Variants in PPM1E observed in about 807,000 individuals in gnomAD.
PPM1E encodes the protein protein phosphatase, Mg2+/Mn2+ dependent 1E, also known as protein phosphatase 1E.
In PPM1E, 20 loss-of-function variants were observed where a neutral mutation model predicts 65.9. The ratio of observed to expected loss-of-function variants is 0.30; its 90% CI spans 0.21 to 0.44. The LOEUF (loss-of-function observed/expected upper bound fraction) is 0.44, where lower values mean the gene tolerates loss of function less well. Among genes scored for constraint, PPM1E ranks in the 20% least tolerant of loss-of-function variants. The pLI, the probability that PPM1E is intolerant of heterozygous loss-of-function variation, is 1.00. For synonymous variants in PPM1E, 352 were observed against 374.9 expected, an observed-to-expected ratio of 0.94 and a Z score of 0.70; for missense variants, 713 against 953.1, an observed-to-expected ratio of 0.75 and a Z score of 3.32.
intron 1 of PPM1E, among the ~76,000 whole-genome samples, chr17:58,887,715 G>T (rs372188262): frequency 6.6e-6 from 1 of 152,178 alleles, no homozygotes; most frequent in Non-Finnish European, 1.5e-5. Flanking sequence ...TGTAAGCCAT[G>T]GTCAGGATTT....
intron 1 of PPM1E, among the ~76,000 whole-genome samples, chr17:58,847,578 T>C (rs1248208589): frequency 6.6e-6 from 1 of 152,214 alleles, no homozygotes; most frequent in Non-Finnish European, 1.5e-5. Flanking sequence ...ATCAGATGGT[T>C]ATAGATGTGT....
chr17:58,969,249 G>A (rs2030445476), intron 3 of PPM1E, among the ~76,000 whole-genome samples: 2 of 152,226 alleles, frequency 1.3e-5, no homozygotes, highest in South Asian at 4.1e-4. Context: ...ATGTACGTGG[G>A]TGGTTTCCAT....
At chr17:58,769,339 A>G (rs2049913498) in intron 1 of PPM1E, among the ~76,000 whole-genome samples, 2 of 152,154 alleles carry the variant, frequency 1.3e-5, no homozygotes, top group South Asian at 4.1e-4. Flanking sequence ...TCCCGCCTAT[A>G]ATTCCAGCAC....
At chr17:58,956,455 A>C (rs79776482) in intron 2 of PPM1E, among the ~76,000 whole-genome samples, 23,186 of 146,148 alleles carry the variant, frequency 0.16, 2,092 homozygotes, top group Non-Finnish European at 0.2. Context: ...CAAAAAACAA[A>C]AAACAAAAAA....
At position 58,761,868 on chromosome 17, in the gene PPM1E, C is replaced by T. The variant is rs375642577; in HGVS notation, c.464+5407C>T. On this transcript the variant is annotated intron_variant, in intron 1 of 6. Coordinates refer to ENST00000308249, the MANE Select transcript of PPM1E (RefSeq NM_014906.5). ...CAGAGGTCTCCAAAGTCAATTGCAC[C>T]TAAAATACTTCATTTCGGCAAAGGA... Among the ~76,000 whole-genome samples, 8 of 152,256 alleles carry T rather than the reference C, an allele frequency of 5.3e-5. No homozygotes were observed. The South Asian group carries it at 1.5e-3, about 28-fold the overall frequency.
chr17:58,777,655 T>C (rs1181132369), intron 1 of PPM1E, among the ~76,000 whole-genome samples: 2 of 152,136 alleles, frequency 1.3e-5, no homozygotes, highest in Non-Finnish European at 2.9e-5. Flanking sequence ...TAAGTATACA[T>C]AGGGCAATTA....
chr17:58,875,996 G>A (rs568939577), intron 1 of PPM1E, among the ~76,000 whole-genome samples: 2 of 152,262 alleles, frequency 1.3e-5, no homozygotes, highest in East Asian at 3.9e-4. Context: ...GATAAAAAGG[G>A]TTTATGTTTT....
intron 1 of PPM1E, among the ~76,000 whole-genome samples, chr17:58,839,437 C>T (rs910251127): frequency 7.9e-5 from 12 of 152,170 alleles, no homozygotes; most frequent in African/African-American, 2.9e-4. Context: ...TATGAAACAA[C>T]CTCACCGAAG....
At chr17:58,903,666 A>G (rs1286076270) in intron 1 of PPM1E, among the ~76,000 whole-genome samples, 1 of 152,190 alleles carries the variant, frequency 6.6e-6, no homozygotes, top group Non-Finnish European at 1.5e-5. Flanking sequence ...TTTTCTGCCT[A>G]ATCCCAGCTT....
chr17:58,893,941 G>C (rs1005797809), intron 1 of PPM1E, among the ~76,000 whole-genome samples: 2 of 151,860 alleles, frequency 1.3e-5, no homozygotes, highest in African/African-American at 4.8e-5. Context: ...GGATGTGGTG[G>C]CAAACACCTG....
chr17:58,931,451 G>A (rs1020487102), intron 1 of PPM1E, among the ~76,000 whole-genome samples: 2 of 152,016 alleles, frequency 1.3e-5, no homozygotes, highest in African/African-American at 4.8e-5. Context: ...AGGAAGGAAA[G>A]GAGGAAGGAA....
intron 1 of PPM1E, among the ~76,000 whole-genome samples, chr17:58,840,869 ATAAG>A (rs2050711227): frequency 6.6e-6 from 1 of 152,226 alleles, no homozygotes; most frequent in Non-Finnish European, 1.5e-5. Context: ...AATTGTAATA[ATAAG>A]TAAGTGTATT....
chr17:58,794,888 CTTTTT>C (rs35841208), intron 1 of PPM1E, among the ~76,000 whole-genome samples: 2 of 131,590 alleles, frequency 1.5e-5, no homozygotes. Flanking sequence ...GTACATGTGT[CTTTTT>C]TTTTTTTTTT....
chr17:58,786,558 G>A (rs1277146767), intron 1 of PPM1E, among the ~76,000 whole-genome samples: 1 of 152,186 alleles, frequency 6.6e-6, no homozygotes, highest in Non-Finnish European at 1.5e-5. Flanking sequence ...CAGGCAGGAC[G>A]GAGTGGGATG....
At chr17:58,816,451 C>T (rs867365708) in intron 1 of PPM1E, among the ~76,000 whole-genome samples, 3 of 151,588 alleles carry the variant, frequency 2.0e-5, no homozygotes, top group African/African-American at 4.8e-5. Context: ...ACATTAGGTA[C>T]ACTCACAATG....
At chr17:58,856,391 ACC>A (rs1174714881) in intron 1 of PPM1E, among the ~76,000 whole-genome samples, 1 of 152,068 alleles carries the variant, frequency 6.6e-6, no homozygotes, top group Non-Finnish European at 1.5e-5. Flanking sequence ...GGCCTGCGCC[ACC>A]ATGCCTGGCT....
At chr17:58,955,840 T>A (rs989814968) in intron 2 of PPM1E, 73 bp downstream of exon 2, 1 of 1,443,112 alleles carries the variant, frequency 6.9e-7, no homozygotes, top group Non-Finnish European at 9.2e-7. Context: ...AGAAAATATC[T>A]GCAAAATACT....
chr17:58,771,617 A>C (rs1346547895), intron 1 of PPM1E, among the ~76,000 whole-genome samples: 2 of 151,446 alleles, frequency 1.3e-5, no homozygotes, highest in African/African-American at 2.4e-5. Flanking sequence ...GTGAGACTCC[A>C]TCTCAAAAAA....
At chr17:58,930,445 CAG>C (rs1318955606) in intron 1 of PPM1E, among the ~76,000 whole-genome samples, 2 of 151,926 alleles carry the variant, frequency 1.3e-5, no homozygotes, top group Non-Finnish European at 2.9e-5. Flanking sequence ...TATTGGGAGA[CAG>C]AGTGAGACCC....
Sources: gnomAD v4.1 joint callset for allele counts (sites outside exome capture counted in the v4.1 genomes callset) on GRCh38, gnomAD v4.1.1 for gene constraint, MANE v1.5 for transcripts, NCBI Gene and HGNC (gene_info 2026-07-23, HGNC 2026-07-21) for gene names.